The following NOL4 variants were observed in gnomAD, a reference collection of about 807,000 sequenced individuals.
The protein encoded by NOL4 is cancer/testis antigen 125.
Under a neutral mutation model 75.9 loss-of-function variants are expected in NOL4, and 17 were observed. The observed-to-expected ratio is 0.22, with a 90% CI of 0.15 to 0.34. The LOEUF (loss-of-function observed/expected upper bound fraction) is 0.34. Among genes scored for constraint, NOL4 ranks in the 10% least tolerant of loss-of-function variants. The pLI, the probability that NOL4 is intolerant of heterozygous loss-of-function variation, is 1.00. For missense variants in NOL4, 614 were observed against 793.5 expected (o/e 0.77, Z 2.72); for synonymous variants, 292 against 289.9 (o/e 1.01, Z -0.07).
At chr18:34,148,155 A>G (rs2081486570) in intron 1 of NOL4, among the ~76,000 whole-genome samples, 1 of 151,892 alleles carries the variant, frequency 6.6e-6, no homozygotes, top group South Asian at 2.1e-4. Flanking sequence ...ATCTTTTCAA[A>G]GAAAACTAGC....
intron 8 of NOL4, among the ~76,000 whole-genome samples, chr18:33,955,825 A>G (rs1472419445): frequency 6.6e-6 from 1 of 152,152 alleles, no homozygotes; most frequent in Non-Finnish European, 1.5e-5. Flanking sequence ...TCAATTGCAT[A>G]ACATTAAAAG....
At chr18:34,151,950 C>G (rs995738197) in intron 1 of NOL4, among the ~76,000 whole-genome samples, 1 of 151,560 alleles carries the variant, frequency 6.6e-6, no homozygotes, top group African/African-American at 2.4e-5. Context: ...TCTAGTGGAC[C>G]GACAACCAGC....
intron 5 of NOL4, among the ~76,000 whole-genome samples, chr18:34,081,744 G>A (rs1600517069): frequency 6.6e-6 from 1 of 152,126 alleles, no homozygotes; most frequent in African/African-American, 2.4e-5. Context: ...GCCAAAGAGG[G>A]CAGCCACATT....
intron 5 of NOL4, among the ~76,000 whole-genome samples, chr18:34,049,722 C>G (rs2144951843): frequency 6.6e-6 from 1 of 152,214 alleles, no homozygotes; most frequent in East Asian, 1.9e-4. Flanking sequence ...ACCCTTCCCC[C>G]ACTGTCTGTA....
intron 4 of NOL4, among the ~76,000 whole-genome samples, chr18:34,102,654 T>C (rs1273831639): frequency 6.6e-6 from 1 of 152,028 alleles, no homozygotes; most frequent in Non-Finnish European, 1.5e-5. Flanking sequence ...GGCGCATTGT[T>C]GGCACAAAGT....
At chr18:33,998,235 A>C (rs1489480353) in intron 6 of NOL4, among the ~76,000 whole-genome samples, 2 of 152,096 alleles carry the variant, frequency 1.3e-5, no homozygotes, top group East Asian at 3.9e-4. Context: ...ACTAAGAACC[A>C]CTGAAATGTA....
At chr18:33,979,810 C>G (rs2071803037) in intron 6 of NOL4, among the ~76,000 whole-genome samples, 1 of 151,984 alleles carries the variant, frequency 6.6e-6, no homozygotes, top group African/African-American at 2.4e-5. Flanking sequence ...GCTTTAATTT[C>G]TCAGAGCCAT....
At chr18:34,001,415 C>A (rs2073696242) in intron 6 of NOL4, among the ~76,000 whole-genome samples, 1 of 152,134 alleles carries the variant, frequency 6.6e-6, no homozygotes, top group Non-Finnish European at 1.5e-5. Context: ...AACAATATTC[C>A]CTTTGTTACC....
At chr18:34,144,478 T>C (rs1485035547) in intron 1 of NOL4, among the ~76,000 whole-genome samples, 6 of 152,114 alleles carry the variant, frequency 3.9e-5, no homozygotes, top group African/African-American at 7.2e-5. Context: ...ATGAAAAACA[T>C]AGCTACTACT....
intron 1 of NOL4, among the ~76,000 whole-genome samples, chr18:34,163,479 C>T (rs571485574): frequency 6.6e-6 from 1 of 152,142 alleles, no homozygotes; most frequent in Non-Finnish European, 1.5e-5. Flanking sequence ...CATGAGTGAA[C>T]TCCCATTCAC....
chr18:33,872,793 A>G lies in NOL4; in HGVS notation c.1723+10451T>C, dbSNP rs549164080. On this transcript the variant is annotated intron_variant, in intron 10 of 10. Coordinates refer to ENST00000261592, the MANE Select transcript of NOL4 (RefSeq NM_003787.5). ...TAGTGGCTATAATGTTAGATGGCAC[A>G]GGCCTACATAAAATTATATTTGAAA... Among the ~76,000 whole-genome samples, 11 of 152,156 alleles carry G rather than the reference A, an allele frequency of 7.2e-5. No individual in the cohort carries two copies. The East Asian group carries it at 2.1e-3, about 29-fold the overall frequency.
Position 34,207,865 on chromosome 18 carries a change from G to T in NOL4, c.264+15125C>A, listed in dbSNP as rs2036231696. ...GCCAGAGACAGGTTTTTCCACTGAG[G>T]TTTTTAGGCCCCTCTCTGCTGGCAC... On this transcript the variant is annotated intron_variant, in intron 1 of 10. Transcript: ENST00000261592. 6.6e-5 allele frequency among the ~76,000 whole-genome samples: 10 copies of T among 152,238 alleles called. No individual in the cohort carries two copies. In the South Asian group the frequency reaches 1.9e-3, roughly 28 times the overall value.
intron 8 of NOL4, among the ~76,000 whole-genome samples, chr18:33,945,554 G>A (rs1476743011): frequency 6.6e-6 from 1 of 151,764 alleles, no homozygotes; most frequent in East Asian, 1.9e-4. Flanking sequence ...ATGAAAGGGA[G>A]AGTTGGATCT....
intron 10 of NOL4, among the ~76,000 whole-genome samples, chr18:33,875,741 A>AT (rs1041831130): frequency 2.0e-5 from 3 of 151,558 alleles, no homozygotes; most frequent in African/African-American, 4.8e-5. Context: ...ATATCATTCT[A>AT]TTTTTTCTAA....
Position 34,118,003 on chromosome 18 carries a change from A to G in NOL4, c.414+11868T>C, listed in dbSNP as rs75129734. ...AATTCACTAGTGTAATAAAAAAATG[A>G]TGAGTGTTCCTAAATATCAGTAGTT... On this transcript the variant is annotated intron_variant, in intron 2 of 10. Coordinates refer to ENST00000261592, the MANE Select transcript of NOL4 (RefSeq NM_003787.5). Among the ~76,000 whole-genome samples the G allele has an allele frequency of 2.3e-3, 351 of 152,352 alleles. 1 individual carries two copies. The highest frequency in any genetic ancestry group is 8.0e-3 in the African/African-American group (334 of 41,594).
At chr18:34,149,694 C>T (rs1289244501) in intron 1 of NOL4, among the ~76,000 whole-genome samples, 1 of 151,568 alleles carries the variant, frequency 6.6e-6, no homozygotes, top group African/African-American at 2.4e-5. Flanking sequence ...AGTTGATGAC[C>T]ATCTAGGTTG....
chr18:34,197,696 G>A (rs139128956), intron 1 of NOL4, among the ~76,000 whole-genome samples: 63 of 150,984 alleles, frequency 4.2e-4, no homozygotes, highest in African/African-American at 1.4e-3. Flanking sequence ...AAGTTAATTC[G>A]GTGGAGAGGG....
At chr18:33,921,313 G>T (rs1262245744) in intron 9 of NOL4, among the ~76,000 whole-genome samples, 1 of 152,148 alleles carries the variant, frequency 6.6e-6, no homozygotes, top group Non-Finnish European at 1.5e-5. Context: ...GATGAATTAA[G>T]ATTTCTGGGG....
chr18:34,106,164 C>T (rs1401371394), intron 2 of NOL4, among the ~76,000 whole-genome samples: 1 of 152,014 alleles, frequency 6.6e-6, no homozygotes, highest in Non-Finnish European at 1.5e-5. Flanking sequence ...CTTACAAACA[C>T]TGATGTATTT....
Sources: allele counts gnomAD v4.1 joint callset (sites outside exome capture counted in the v4.1 genomes callset), GRCh38; gene constraint gnomAD v4.1.1; transcripts MANE v1.5; gene names NCBI Gene and HGNC (gene_info 2026-07-23, HGNC 2026-07-21).